FSHR: variants seen among roughly 807,000 people sequenced by gnomAD.
FSHR encodes follicle-stimulating hormone receptor.
A neutral mutation model predicts 52.1 loss-of-function variants in FSHR; 46 were observed. The ratio of observed to expected loss-of-function variants is 0.88; its 90% CI spans 0.70 to 1.13. The LOEUF (loss-of-function observed/expected upper bound fraction) is 1.13, where lower values mean the gene tolerates loss of function less well. FSHR is among the 50% of genes most tolerant of loss of function. FSHR has a pLI of 0.00. For synonymous variants in FSHR, 399 were observed against 309.6 expected, an observed-to-expected ratio of 1.29 and a Z score of -3.03; for missense variants, 964 against 834.6, an observed-to-expected ratio of 1.16 and a Z score of -1.91.
intron 4 of FSHR, among the ~76,000 whole-genome samples, chr2:48,993,465 T>C (rs1321414717): frequency 6.6e-6 from 1 of 152,152 alleles, no homozygotes; most frequent in Admixed American, 6.6e-5. Flanking sequence ...TTCCAAAATA[T>C]GTCTTGACTT....
intron 2 of FSHR, among the ~76,000 whole-genome samples, chr2:49,057,302 T>C (rs1572688955): frequency 6.6e-6 from 1 of 151,420 alleles, no homozygotes; most frequent in South Asian, 2.1e-4. Context: ...AATAACCAAA[T>C]AAATAAAATC....
chr2:49,089,111 A>ATATAATATAATATT, intron 1 of FSHR, among the ~76,000 whole-genome samples: 1 of 151,234 alleles, frequency 6.6e-6, no homozygotes, highest in Non-Finnish European at 1.5e-5. Context: ...ATATAATATA[A>ATATAATATAATATT]TATTTATTTA....
chr2:48,994,344 C>T (rs1196317343), intron 4 of FSHR, among the ~76,000 whole-genome samples: 1 of 152,152 alleles, frequency 6.6e-6, no homozygotes, highest in Admixed American at 6.5e-5. Context: ...ATTGCATGAG[C>T]TTCCATAGCC....
At chr2:49,104,179 C>T (rs938489904) in intron 1 of FSHR, among the ~76,000 whole-genome samples, 1 of 152,048 alleles carries the variant, frequency 6.6e-6, no homozygotes, top group Non-Finnish European at 1.5e-5. Flanking sequence ...GCCCAATGGC[C>T]TTGGGAAGAA....
In FSHR at chr2:48,962,872, T is replaced by C. The variant is rs1246078472; in HGVS notation, c.1949A>G (p.Gln650Arg). The C allele has an allele frequency of 6.2e-7, 1 of 1,614,146 alleles. No individual in the cohort carries two copies. The highest frequency in any genetic ancestry group is 1.1e-5 in the South Asian group (1 of 91,082). The change falls in exon 10 of 10, where the codon CAA becomes CGA. Residue 650 changes from glutamine to arginine, a missense_variant. Coordinates refer to ENST00000406846, the MANE Select transcript of FSHR (RefSeq NM_000145.4). The part of the protein sequence containing the change: ...LLSKCGCYEM[Q>R]AQIYRTETSS... Reference sequence around the variant, plus strand: ...AGTTTCTGTCCTATAAATTTGGGCTTGCATTTCATAGCAGCCACACTTGCT... The same window carrying C: ...AGTTTCTGTCCTATAAATTTGGGCTCGCATTTCATAGCAGCCACACTTGCT...
At chr2:49,042,502 C>A (rs1443001096) in intron 2 of FSHR, among the ~76,000 whole-genome samples, 1 of 152,150 alleles carries the variant, frequency 6.6e-6, no homozygotes, top group East Asian at 1.9e-4. Flanking sequence ...ATTCACTTCC[C>A]TTAATAAAGA....
At chr2:49,087,329 A>C (rs1670438380) in intron 1 of FSHR, among the ~76,000 whole-genome samples, 1 of 152,038 alleles carries the variant, frequency 6.6e-6, no homozygotes, top group African/African-American at 2.4e-5. Context: ...AAAGAAGAAG[A>C]GCATTGGATG....
At chr2:48,988,421 C>A (rs11125190) in intron 6 of FSHR, among the ~76,000 whole-genome samples, 26,201 of 152,052 alleles carry the variant, frequency 0.17, 2,829 homozygotes, top group African/African-American at 0.3. Flanking sequence ...GCTACAGGGG[C>A]TACTGGCATA....
intron 2 of FSHR, among the ~76,000 whole-genome samples, chr2:49,049,824 AAT>A (rs5831020): frequency 0.31 from 44,558 of 143,870 alleles, 7,136 homozygotes; most frequent in Non-Finnish European, 0.35. Flanking sequence ...CCCCTACTCT[AAT>A]ATATATATAT....
At chr2:49,142,395 G>A (rs1256688081) in intron 1 of FSHR, among the ~76,000 whole-genome samples, 2 of 152,132 alleles carry the variant, frequency 1.3e-5, no homozygotes, top group East Asian at 3.9e-4. Flanking sequence ...ATAGATCTAA[G>A]GTAGGAAAGA....
chr2:49,061,621 A>AAAAT (rs56390546), intron 2 of FSHR, among the ~76,000 whole-genome samples: 71,414 of 141,164 alleles, frequency 0.51, 18,747 homozygotes, highest in East Asian at 0.75. Context: ...TAGATATATA[A>AAAAT]AAATACATAT....
At chr2:48,985,737 C>T (rs1229588271) in intron 6 of FSHR, among the ~76,000 whole-genome samples, 1 of 113,840 alleles carries the variant, frequency 8.8e-6, no homozygotes. Flanking sequence ...GACGGAGTCT[C>T]GCTCTGTCGC....
At chr2:48,969,300 G>C (rs1344143931) in intron 8 of FSHR, among the ~76,000 whole-genome samples, 1 of 152,182 alleles carries the variant, frequency 6.6e-6, no homozygotes, top group Admixed American at 6.5e-5. Flanking sequence ...AGCTGGAGTA[G>C]AATCTGTGGC....
chr2:49,128,904 A>G (rs916483199), intron 1 of FSHR, among the ~76,000 whole-genome samples: 3 of 152,158 alleles, frequency 2.0e-5, no homozygotes, highest in African/African-American at 7.2e-5. Flanking sequence ...TCAATTTTTC[A>G]GAAGGTAGAA....
chr2:49,141,415 A>T (rs923258672), intron 1 of FSHR, among the ~76,000 whole-genome samples: 7 of 152,126 alleles, frequency 4.6e-5, no homozygotes, highest in Non-Finnish European at 1.0e-4. Context: ...TGAAAGTTGA[A>T]GGAGGAACAG....
At chr2:49,053,002 T>G (rs779158101) in intron 2 of FSHR, among the ~76,000 whole-genome samples, 6 of 152,206 alleles carry the variant, frequency 3.9e-5, no homozygotes, top group African/African-American at 7.2e-5. Flanking sequence ...ATTCAATAAA[T>G]CTCTTTCTCT....
intron 1 of FSHR, among the ~76,000 whole-genome samples, chr2:49,142,157 C>G (rs966770469): frequency 6.6e-6 from 1 of 152,154 alleles, no homozygotes; most frequent in Non-Finnish European, 1.5e-5. Flanking sequence ...GGGGACTATT[C>G]AACATGTTGA....
chr2:49,042,367 A>C (rs576735197), intron 2 of FSHR, among the ~76,000 whole-genome samples: 4 of 152,210 alleles, frequency 2.6e-5, no homozygotes, highest in Admixed American at 6.5e-5. Context: ...AGATTTTTGC[A>C]TGCTAAAGAA....
At chr2:49,026,440 G>C (rs1327717543) in intron 2 of FSHR, among the ~76,000 whole-genome samples, 1 of 152,168 alleles carries the variant, frequency 6.6e-6, no homozygotes, top group East Asian at 1.9e-4. Context: ...CAACAACCTT[G>C]TCAGCTAAGT....
Sources: gnomAD v4.1 joint callset for allele counts (sites outside exome capture counted in the v4.1 genomes callset) on GRCh38, gnomAD v4.1.1 for gene constraint, MANE v1.5 for transcripts, NCBI Gene and HGNC (gene_info 2026-07-23, HGNC 2026-07-21) for gene names.